Variants in ATRNL1 observed in about 807,000 individuals in gnomAD.
The protein encoded by ATRNL1 is attractin-like protein 1.
ATRNL1 carries 95 observed loss-of-function variants against 182.7 expected under a neutral mutation model. That is an observed-to-expected ratio of 0.52 (90% CI 0.44 to 0.62). ATRNL1 has a LOEUF of 0.62. Ranked by LOEUF, ATRNL1 falls within the 20% of genes least tolerant of loss-of-function variation. The pLI is 0.00. For synonymous variants in ATRNL1, 576 were observed against 568.3 expected (o/e 1.01, Z -0.19); for missense variants, 1,471 against 1,679.5 (o/e 0.88, Z 2.17).
intron 26 of ATRNL1, among the ~76,000 whole-genome samples, chr10:115,630,825 TATACAC>T (rs1158745375): frequency 1.2e-5 from 1 of 86,488 alleles, no homozygotes; most frequent in Non-Finnish European, 2.1e-5. Flanking sequence ...ATATATGTAT[TATACAC>T]ACACACACAC....
intron 28 of ATRNL1, among the ~76,000 whole-genome samples, chr10:115,854,821 G>A (rs1235838549): frequency 6.6e-6 from 1 of 152,120 alleles, no homozygotes; most frequent in African/African-American, 2.4e-5. Context: ...TCCCTGGAGC[G>A]GACAGAGAAG....
At chr10:115,714,038 A>G (rs1269321295) in intron 26 of ATRNL1, among the ~76,000 whole-genome samples, 1 of 152,208 alleles carries the variant, frequency 6.6e-6, no homozygotes, top group Non-Finnish European at 1.5e-5. Flanking sequence ...AAGCTTAGAA[A>G]TAGTTGCATT....
chr10:115,151,227 G>A (rs1209882801), intron 5 of ATRNL1, among the ~76,000 whole-genome samples: 22 of 152,122 alleles, frequency 1.4e-4, no homozygotes, highest in African/African-American at 2.4e-4. Context: ...AATCCTTTGG[G>A]TATATACCCA....
chr10:115,686,855 AGTTTTGTTAAACCACTT>A (rs1946234345), intron 26 of ATRNL1, among the ~76,000 whole-genome samples: 2 of 152,030 alleles, frequency 1.3e-5, no homozygotes, highest in South Asian at 4.1e-4. Context: ...AATAATATAA[AGTTTTGTTAAACCACTT>A]TATTTAAGGG....
At chr10:115,381,204 A>G (rs1216280394) in intron 19 of ATRNL1, among the ~76,000 whole-genome samples, 1 of 151,920 alleles carries the variant, frequency 6.6e-6, no homozygotes, top group Non-Finnish European at 1.5e-5. Context: ...TCTTCTTTGG[A>G]ATATTCAGAT....
chr10:115,793,650 A>G (rs1949582128), intron 27 of ATRNL1, among the ~76,000 whole-genome samples: 2 of 152,152 alleles, frequency 1.3e-5, no homozygotes, highest in African/African-American at 2.4e-5. Flanking sequence ...TAGCTGTAAT[A>G]CCAATTAGTT....
chr10:115,173,991 C>T (rs1554886256), intron 8 of ATRNL1, among the ~76,000 whole-genome samples: 4 of 149,508 alleles, frequency 2.7e-5, no homozygotes, highest in Non-Finnish European at 1.5e-5. Context: ...AATTATAGCT[C>T]TTCTCACGTT....
chr10:115,833,936 A>G (rs1555094570), intron 27 of ATRNL1, among the ~76,000 whole-genome samples: 1 of 152,202 alleles, frequency 6.6e-6, no homozygotes, highest in Non-Finnish European at 1.5e-5. Flanking sequence ...ATGTGTTCAT[A>G]ATCTGGATAA....
chr10:115,707,937 G>A (rs1305067446), intron 26 of ATRNL1, among the ~76,000 whole-genome samples: 1 of 151,686 alleles, frequency 6.6e-6, no homozygotes, highest in African/African-American at 2.4e-5. Context: ...GGCCAAACCA[G>A]TGGCATTCTC....
intron 28 of ATRNL1, among the ~76,000 whole-genome samples, chr10:115,899,263 G>C (rs1176352896): frequency 2.0e-5 from 3 of 152,038 alleles, no homozygotes; most frequent in Admixed American, 6.6e-5. Flanking sequence ...GCGATAGTTT[G>C]CTGAGAATGA....
intron 22 of ATRNL1, among the ~76,000 whole-genome samples, chr10:115,463,333 A>G (rs1423166713): frequency 1.3e-5 from 2 of 152,044 alleles, no homozygotes; most frequent in East Asian, 3.9e-4. Flanking sequence ...TGGGGAATAC[A>G]TTTAAAGTTT....
chr10:115,315,271 C>A (rs181226659), intron 17 of ATRNL1, among the ~76,000 whole-genome samples: 8 of 152,056 alleles, frequency 5.3e-5, no homozygotes, highest in African/African-American at 1.9e-4. Flanking sequence ...TATTTTTCTC[C>A]ATGTCATGGT....
At chr10:115,611,414 A>G (rs1400879257) in intron 26 of ATRNL1, among the ~76,000 whole-genome samples, 2 of 152,092 alleles carry the variant, frequency 1.3e-5, no homozygotes, top group African/African-American at 2.4e-5. Flanking sequence ...AAACAGAGGT[A>G]GATATATTAG....
chr10:115,299,909 C>CATTA, intron 15 of ATRNL1, 125 bp from the exon 16 acceptor site: 1 of 657,952 alleles, frequency 1.5e-6, no homozygotes. Context: ...TACTAAAACT[C>CATTA]ATTAGAAAGG....
intron 28 of ATRNL1, among the ~76,000 whole-genome samples, chr10:115,891,933 T>C (rs570816614): frequency 1.3e-5 from 2 of 152,294 alleles, no homozygotes; most frequent in Admixed American, 1.3e-4. Flanking sequence ...TCATTACAAA[T>C]GTGCAGTACG....
rs781916602 is a variant in ATRNL1 at position 115,125,622 on chromosome 10, C to T, written c.492-1971C>T. Among the ~76,000 whole-genome samples, 22 of 152,190 alleles carry T rather than the reference C, an allele frequency of 1.4e-4. No homozygotes were observed. The Middle Eastern group carries it at 0.017, about 118-fold the overall frequency. On this transcript the variant is annotated intron_variant, in intron 3 of 28. Transcript: ENST00000355044. ...CTTGCAGAGACTACCTGGGGACACTCGCAATCCATATTCAACTCAATCCAA... is the reference window on the plus strand; with the variant it reads ...CTTGCAGAGACTACCTGGGGACACTTGCAATCCATATTCAACTCAATCCAA...
intron 25 of ATRNL1, among the ~76,000 whole-genome samples, chr10:115,530,606 A>C (rs1395300809): frequency 6.6e-6 from 1 of 152,082 alleles, no homozygotes; most frequent in Non-Finnish European, 1.5e-5. Flanking sequence ...TATAGTGTTC[A>C]TGATTTGGGA....
intron 26 of ATRNL1, among the ~76,000 whole-genome samples, chr10:115,581,206 T>C (rs1366284224): frequency 1.3e-5 from 2 of 152,176 alleles, no homozygotes; most frequent in East Asian, 1.9e-4. Flanking sequence ...CAGCAAGAGA[T>C]TCTAGGTGCC....
rs189194236 is a variant in ATRNL1 at position 115,283,888 on chromosome 10, A to G, written c.2234-2328A>G. Among the ~76,000 whole-genome samples the G allele has an allele frequency of 3.1e-3, 479 of 152,266 alleles. 6 individuals carry two copies. Among genetic ancestry groups the G allele is most frequent in the African/African-American group, 0.011 (455 of 41,572 alleles). Reference sequence around the variant, plus strand: ...TATAAAGGCTCCACTTGACCAGGCTATTATTTTGGAAATGTAATGAAATAT... The same window carrying G: ...TATAAAGGCTCCACTTGACCAGGCTGTTATTTTGGAAATGTAATGAAATAT... On this transcript the variant is annotated intron_variant, in intron 14 of 28. Coordinates refer to ENST00000355044, the MANE Select transcript of ATRNL1 (RefSeq NM_207303.4).
Sources: allele counts gnomAD v4.1 joint callset (sites outside exome capture counted in the v4.1 genomes callset), GRCh38; gene constraint gnomAD v4.1.1; transcripts MANE v1.5; gene names NCBI Gene and HGNC (gene_info 2026-07-23, HGNC 2026-07-21).